Variants in HYOU1 observed in about 807,000 individuals in gnomAD.
HYOU1 encodes hypoxia up-regulated protein 1.
In HYOU1, 40 loss-of-function variants were observed where a neutral mutation model predicts 120.5. That is an observed-to-expected ratio of 0.33 (90% CI 0.26 to 0.43). The LOEUF (loss-of-function observed/expected upper bound fraction) is 0.43. HYOU1 is among the 20% of genes least tolerant of loss of function. The pLI is 1.00. For synonymous variants in HYOU1, 501 were observed against 479.4 expected, an observed-to-expected ratio of 1.05 and a Z score of -0.59; for missense variants, 1,085 against 1,278.3, an observed-to-expected ratio of 0.85 and a Z score of 2.31.
At chr11:119,049,988 C>G in intron 14 of HYOU1, 151 bp from the exon 15 acceptor site, 1 of 725,298 alleles carries the variant, frequency 1.4e-6, no homozygotes, top group South Asian at 1.6e-5. Flanking sequence ...AGGTGGCTGC[C>G]CATCTCCTTT....
At position 119,047,728 on chromosome 11, in the gene HYOU1, G is replaced by C; in HGVS notation, c.2595+6C>G. On this transcript the variant is annotated splice_donor_region_variant and intron_variant, in intron 22 of 25. Transcript: ENST00000617285. ...GTATCTGGTTAAGTATTTACGAAGT[G>C]ATTACCCAGGTCTCATTGATGACTT... 1 of 1,607,852 alleles carries C rather than the reference G, an allele frequency of 6.2e-7. No homozygotes were observed. The highest frequency in any genetic ancestry group is 1.3e-5 in the African/African-American group (1 of 74,862).
In HYOU1 at chr11:119,049,069, A is replaced by G. The variant is rs2133569407; in HGVS notation, c.1941T>C (p.Pro647=). 19 of 1,613,910 alleles carry G rather than the reference A, an allele frequency of 1.2e-5. No individual in the cohort carries two copies. Among genetic ancestry groups the G allele is most frequent in the Non-Finnish European group, 1.7e-6 (2 of 1,179,960 alleles). Residue 647 remains proline (P), a synonymous_variant, in exon 17 of 26, where the codon CCT becomes CCC. Coordinates refer to ENST00000617285, the MANE Select transcript of HYOU1 (RefSeq NM_006389.5). The part of the protein sequence containing the change: ...PPPEPKGDAT[P]EGEKATEKEN... The stretch of plus-strand genomic sequence containing the variant: ...CTTTTTCTGTGGCCTTTTCTCCCTC[A>G]GGGGTTGCATCTCCCTTAGGTTCAG...
rs2133552002 is a variant in HYOU1, at chr11:119,046,650, G to A, written c.2748C>T (p.Pro916=). The A allele has an allele frequency of 6.2e-7, 1 of 1,614,186 alleles. No individual in the cohort carries two copies. The highest frequency in any genetic ancestry group is 1.3e-5 in the African/African-American group (1 of 75,054). ...GGGTCCCATTCTTGTCCTTAGGCCGGGGCCGGGGCTTGGTAAACTTGGCCT... is the reference window on the plus strand; with the variant it reads ...GGGTCCCATTCTTGTCCTTAGGCCGAGGCCGGGGCTTGGTAAACTTGGCCT... ...LNKAKFTKPR[P]RPKDKNGTRA... The change falls in exon 23 of 26, where the codon CCC becomes CCT. Residue 916 remains proline, a synonymous_variant. Transcript: ENST00000617285.
rs2133583614 is a variant in HYOU1, at chr11:119,051,216, C to G, written c.1527-43G>C. Reference sequence around the variant, plus strand: ...AGGAGTTCAGGGGGACCCACCCCAGCCCATCTCGCCCTCTAGACTACATGG... The same window carrying G: ...AGGAGTTCAGGGGGACCCACCCCAGGCCATCTCGCCCTCTAGACTACATGG... On this transcript the variant is annotated intron_variant, in intron 13 of 25. Transcript: ENST00000617285. The surrounding 1 kb of genome is among the most constrained non-coding windows in gnomAD (Gnocchi z 4.2). The G allele has an allele frequency of 6.2e-7, 1 of 1,610,678 alleles. No homozygotes were observed. The highest frequency in any genetic ancestry group is 8.5e-7 in the Non-Finnish European group (1 of 1,177,970).
chr11:119,054,665 G>A lies in HYOU1; in HGVS notation c.507C>T (p.Ile169=), dbSNP rs2133606831. ...SLAEDFAEQP[I]KDAVITVPVF... is the part of the protein sequence containing the mutation. The stretch of plus-strand genomic sequence containing the variant: ...CTGGCACGGTGATCACTGCATCCTT[G>A]ATGGGCTGCTCTACAGATGACAACA... The change falls in exon 7 of 26, where the codon ATC becomes ATT. Residue 169 remains isoleucine, a synonymous_variant. Coordinates refer to ENST00000617285, the MANE Select transcript of HYOU1 (RefSeq NM_006389.5). The A allele has an allele frequency of 3.1e-6, 5 of 1,612,188 alleles. No homozygotes were observed. The highest frequency in any genetic ancestry group is 4.2e-6 in the Non-Finnish European group (5 of 1,179,924).
At position 119,052,118 on chromosome 11, in the gene HYOU1, G is replaced by A; in HGVS notation, c.1177C>T (p.Gln393Ter). Residue 393 changes from glutamine (Q) to a stop codon, truncating the protein, a stop_gained, in exon 11 of 26, where the codon CAG (glutamine) becomes TAG (stop). Transcript: ENST00000617285. LOFTEE classifies it high-confidence loss of function. This position sits in a 1 kb window ranked among gnomAD's most constrained non-coding sequence, Gnocchi z 5.0. ...VGGATRVPRV[Q>*]EVLLKAVGKE... ...CCCACGGCCTTCAGCAGCACCTCCT[G>A]AACTCTGGGGACCCGAGTGGCCCCA... 1 of 1,614,188 alleles carries A rather than the reference G, an allele frequency of 6.2e-7. No individual in the cohort carries two copies. Among genetic ancestry groups the A allele is most frequent in the Non-Finnish European group, 8.5e-7 (1 of 1,180,038 alleles).
chr11:119,055,882 G>T lies in HYOU1; in HGVS notation c.92-39C>A. ...AGGTTTGTCAGTTAGCTCTCCCTTC[G>T]CCCACCTTCCTGGGACTCCCTCTAA... On this transcript the variant is annotated intron_variant, in intron 2 of 25. Coordinates refer to ENST00000617285, the MANE Select transcript of HYOU1 (RefSeq NM_006389.5). This position sits in a 1 kb window ranked among gnomAD's most constrained non-coding sequence, Gnocchi z 4.0. The T allele has an allele frequency of 6.5e-7, 1 of 1,534,476 alleles. No individual in the cohort carries two copies. Among genetic ancestry groups the T allele is most frequent in the Non-Finnish European group, 9.0e-7 (1 of 1,107,594 alleles).
At chr11:119,047,626 A>T in intron 22 of HYOU1, 108 bp downstream of exon 22, 1 of 893,096 alleles carries the variant, frequency 1.1e-6, no homozygotes, top group Non-Finnish European at 1.9e-6. Context: ...TCTTCAGGTT[A>T]GATGCTAAGC....
intron 22 of HYOU1, 158 bp downstream of exon 22, chr11:119,047,576 G>T: frequency 1.5e-6 from 1 of 649,132 alleles, no homozygotes; most frequent in Non-Finnish European, 2.7e-6. Flanking sequence ...GCCCTTGCTT[G>T]GGACTAATCA....
chr11:119,049,759 C>A lies in HYOU1; in HGVS notation c.1726+18G>T. ...ACAAGTATATTCTCTCCCATACACA[C>A]ATGCATGCTCATCTTACTGGTGAGA... On this transcript the variant is annotated intron_variant, in intron 15 of 25. Coordinates refer to ENST00000617285, the MANE Select transcript of HYOU1 (RefSeq NM_006389.5). 1 of 1,613,086 alleles carries A rather than the reference C, an allele frequency of 6.2e-7. No individual in the cohort carries two copies. The highest frequency in any genetic ancestry group is 8.5e-7 in the Non-Finnish European group (1 of 1,178,992).
chr11:119,052,288 C>T lies in HYOU1; in HGVS notation c.1122+7G>A, dbSNP rs2133591743. On this transcript the variant is annotated splice_region_variant and intron_variant, in intron 10 of 25. Transcript: ENST00000617285. The surrounding 1 kb of genome is among the most constrained non-coding windows in gnomAD (Gnocchi z 5.0). ...CGGGGCATTCCCGCCTTCCCCTACT[C>T]GCTCACCAGACTCATTTCGGCACTC... 1.3e-4 allele frequency: 206 copies of T among 1,614,234 alleles called. 2 individuals are homozygous for T. Among genetic ancestry groups the T allele is most frequent in the South Asian group, 6.3e-4 (57 of 91,086 alleles).
At position 119,044,935 on chromosome 11, in the gene HYOU1, C is replaced by G. The variant is rs1423596544; in HGVS notation, c.*658G>C. 1 of 332,286 alleles carries G rather than the reference C, an allele frequency of 3.0e-6. No homozygotes were observed. Among genetic ancestry groups the G allele is most frequent in the Admixed American group, 3.4e-5 (1 of 29,566 alleles). 20.6% of individuals were successfully genotyped at this position (332,286 alleles called of 1,614,324 possible). On this transcript the variant is annotated 3_prime_UTR_variant, in exon 26 of 26. Coordinates refer to ENST00000617285, the MANE Select transcript of HYOU1 (RefSeq NM_006389.5). ...AGGGGTGGGAAATACGAGTGAGAAT[C>G]CTTCCAGATTTACTTCCGCCAATCC...
chr11:119,053,229 TGAGG>T (rs1398725650), intron 8 of HYOU1: 1 of 182,880 alleles, frequency 5.5e-6, no homozygotes, highest in African/African-American at 2.4e-5. Flanking sequence ...TTCAGGCTAC[TGAGG>T]GAGACCCAAG....
Position 119,053,099 on chromosome 11 carries a change from GGA to G in HYOU1, c.795-272_795-271del, listed in dbSNP as rs2133597694. On this transcript the variant is annotated intron_variant, in intron 8 of 25. Coordinates refer to ENST00000617285, the MANE Select transcript of HYOU1 (RefSeq NM_006389.5). ...TCTGGGAATACAAATGTGGCGGTGG[GGA>G]GAGAGACAGGGTCCCTGCTATGGAA... 285 of 403,324 alleles carry G rather than the reference GGA, an allele frequency of 7.1e-4. 2 individuals carry two copies. The highest frequency in any genetic ancestry group is 9.1e-4 in the Non-Finnish European group (205 of 226,014). The allele number at this position is 403,324 out of a possible 1,614,324, so 25.0% of individuals were successfully genotyped here.
Position 119,057,005 on chromosome 11 carries a change from A to T in HYOU1, c.-8+15T>A, listed in dbSNP as rs1944823860. ...GGAGGGGTGGCCGGCCCGCACCTCC[A>T]TCCACCCCCGCTACCTCTTGCCTCC... On this transcript the variant is annotated intron_variant, in intron 1 of 25. Coordinates refer to ENST00000617285, the MANE Select transcript of HYOU1 (RefSeq NM_006389.5). 1.3e-5 allele frequency: 2 copies of T among 151,264 alleles called. No individual in the cohort carries two copies. Among genetic ancestry groups the T allele is most frequent in the Admixed American group, 1.3e-4 (2 of 15,248 alleles). The allele number at this position is 151,264 out of a possible 1,614,324, so 9.4% of individuals were successfully genotyped here.
chr11:119,046,997 AG>A (rs978746672), intron 22 of HYOU1, among the ~76,000 whole-genome samples, 195 bp from the exon 23 acceptor site: 1 of 152,152 alleles, frequency 6.6e-6, no homozygotes, highest in African/African-American at 2.4e-5. Context: ...CCCAACCTGC[AG>A]GTTTCTGGTT....
At chr11:119,050,150 G>A (rs1040141753) in intron 14 of HYOU1, among the ~76,000 whole-genome samples, 4 of 152,210 alleles carry the variant, frequency 2.6e-5, no homozygotes, top group African/African-American at 9.7e-5. Flanking sequence ...AGTGGCTTAT[G>A]CCTGTAATCT....
In HYOU1 at chr11:119,055,155, C is replaced by A; in HGVS notation, c.419+30G>T. 6.2e-6 allele frequency: 10 copies of A among 1,611,358 alleles called. No homozygotes were observed. The highest frequency in any genetic ancestry group is 7.6e-6 in the Non-Finnish European group (9 of 1,178,058). On this transcript the variant is annotated intron_variant, in intron 5 of 25. Transcript: ENST00000617285. This position sits in a 1 kb window ranked among gnomAD's most constrained non-coding sequence, Gnocchi z 4.0. ...CCAATGAGGAGCCCAGCAGCGTTGC[C>A]GAGACCACCTTCCCCAACAGAGCAC...
In HYOU1 at chr11:119,055,192, T is replaced by A; in HGVS notation, c.412A>T (p.Ile138Phe). 6.2e-7 allele frequency: 1 copy of A among 1,613,510 alleles called. No individual in the cohort carries two copies. Among genetic ancestry groups the A allele is most frequent in the Non-Finnish European group, 8.5e-7 (1 of 1,179,570 alleles). The change falls in exon 5 of 26, where the codon ATC (isoleucine) becomes TTC (phenylalanine). Residue 138 changes from isoleucine (I) to phenylalanine (F), a missense_variant. Transcript: ENST00000617285. The surrounding 1 kb of genome is among the most constrained non-coding windows in gnomAD (Gnocchi z 4.0). Reference protein sequence around the residue: ...DPQRQTVHFQISSQLQFSPEE... With the variant: ...DPQRQTVHFQFSSQLQFSPEE... ...CCCCAACAGAGCACTCACGAGCTGA[T>A]CTGAAAGTGCACAGTCTGCCTCTGT...
Sources: gnomAD v4.1 joint callset for allele counts (sites outside exome capture counted in the v4.1 genomes callset) on GRCh38, gnomAD v4.1.1 for gene constraint, Gnocchi (gnomAD v3.1) non-coding constraint, MANE v1.5 for transcripts, NCBI Gene and HGNC (gene_info 2026-07-23, HGNC 2026-07-21) for gene names.